TRIM54: variants seen among roughly 807,000 people sequenced by gnomAD.
TRIM54 encodes the protein tripartite motif-containing protein 54.
TRIM54 carries 40 observed loss-of-function variants against 42.0 expected under a neutral mutation model. The ratio of observed to expected loss-of-function variants is 0.95; its 90% CI spans 0.74 to 1.24. The LOEUF (loss-of-function observed/expected upper bound fraction) is 1.24, where lower values mean the gene tolerates loss of function less well. TRIM54 is among the 50% of genes most tolerant of loss of function. The pLI is 0.00. For missense variants in TRIM54, 485 were observed against 480.3 expected (o/e 1.01, Z -0.09); for synonymous variants, 199 against 194.9 (o/e 1.02, Z -0.17).
chr2:27,283,806 A>G (rs1678476235), intron 1 of TRIM54, among the ~76,000 whole-genome samples: 2 of 150,426 alleles, frequency 1.3e-5, no homozygotes, highest in African/African-American at 5.0e-5. Flanking sequence ...ACACACACAC[A>G]CACACACACA....
chr2:27,284,664 C>G (rs1228370995), intron 1 of TRIM54, among the ~76,000 whole-genome samples: 3 of 152,176 alleles, frequency 2.0e-5, no homozygotes, highest in Admixed American at 1.3e-4. Flanking sequence ...GAACATCCTT[C>G]AGGCTGAGAT....
chr2:27,303,628 T>G (rs1249713110), intron 3 of TRIM54, among the ~76,000 whole-genome samples: 1 of 152,022 alleles, frequency 6.6e-6, no homozygotes, highest in Non-Finnish European at 1.5e-5. Flanking sequence ...GCCACCTGGC[T>G]TTCAACAGAG....
In TRIM54 at chr2:27,305,645, T is replaced by G; in HGVS notation, c.671T>G (p.Leu224Arg). Residue 224 changes from leucine to arginine, a missense_variant, in exon 5 of 9, where the codon CTG becomes CGG. Physicochemically the swap from Leu to Arg is moderately radical, Grantham distance 102 (BLOSUM62 -2). Transcript: ENST00000380075. Reference protein sequence around the residue: ...NQRFESLCAVLEERKGELLQA... With the variant: ...NQRFESLCAVREERKGELLQA... ...AGGTTTGAGAGCCTGTGCGCAGTGCTGGAGGAGCGCAAGGGTGAGCTGCTG... is the reference window on the plus strand; with the variant it reads ...AGGTTTGAGAGCCTGTGCGCAGTGCGGGAGGAGCGCAAGGGTGAGCTGCTG... 1 of 1,613,788 alleles carries G rather than the reference T, an allele frequency of 6.2e-7. No individual in the cohort carries two copies.
At chr2:27,295,931 TCAA>T (rs1207797986) in intron 1 of TRIM54, among the ~76,000 whole-genome samples, 1 of 152,162 alleles carries the variant, frequency 6.6e-6, no homozygotes, top group Admixed American at 6.6e-5. Flanking sequence ...TAAACTAAAC[TCAA>T]CAATATTCAT....
chr2:27,299,734 C>T, intron 3 of TRIM54: 1 of 607,666 alleles, frequency 1.6e-6, no homozygotes, highest in Admixed American at 2.9e-5. Flanking sequence ...GAGATGGAGT[C>T]TCGCTCTGTC....
chr2:27,305,835 G>T lies in TRIM54; in HGVS notation c.843+18G>T. The T allele has an allele frequency of 6.4e-7, 1 of 1,564,024 alleles. No individual in the cohort carries two copies. Among genetic ancestry groups the T allele is most frequent in the Non-Finnish European group, 8.7e-7 (1 of 1,151,794 alleles). On this transcript the variant is annotated intron_variant, in intron 5 of 8. Coordinates refer to ENST00000380075, the MANE Select transcript of TRIM54 (RefSeq NM_187841.3). ...ATCTCCAGGTGGGCTCTAGGGGAGGGTGGCAGCGCTGCACAGTGGCTGGAG... is the reference window on the plus strand; with the variant it reads ...ATCTCCAGGTGGGCTCTAGGGGAGGTTGGCAGCGCTGCACAGTGGCTGGAG...
intron 1 of TRIM54, among the ~76,000 whole-genome samples, chr2:27,283,770 A>AAG (rs1678460446): frequency 1.0e-5 from 1 of 100,476 alleles, no homozygotes; most frequent in South Asian, 3.9e-4. Context: ...AAAGGCACAC[A>AAG]CACACACACG....
intron 3 of TRIM54, among the ~76,000 whole-genome samples, chr2:27,304,126 C>T (rs1282066172): frequency 6.6e-6 from 1 of 151,686 alleles, no homozygotes; most frequent in South Asian, 2.1e-4. Context: ...GTGGGAGGAT[C>T]ACCTGAGCCT....
chr2:27,284,398 G>A (rs1484459662), intron 1 of TRIM54, among the ~76,000 whole-genome samples: 1 of 152,166 alleles, frequency 6.6e-6, no homozygotes, highest in Non-Finnish European at 1.5e-5. Flanking sequence ...TTGTGTGTCT[G>A]CTCTGTGCCA....
chr2:27,285,228 T>C (rs1678523578), intron 1 of TRIM54, among the ~76,000 whole-genome samples: 5 of 152,314 alleles, frequency 3.3e-5, no homozygotes, highest in Admixed American at 2.6e-4. Context: ...TATATCTCAG[T>C]AGATCTCCCT....
intron 1 of TRIM54, among the ~76,000 whole-genome samples, chr2:27,283,770 A>ACGCGCGCGCGCGCG (rs1487361341): frequency 7.0e-5 from 7 of 100,502 alleles, no homozygotes; most frequent in Admixed American, 1.0e-4. Context: ...AAAGGCACAC[A>ACGCGCGCGCGCGCG]CACACACACG....
chr2:27,299,107 T>C (rs1185960996), intron 2 of TRIM54, 138 bp from the exon 3 acceptor site: 3 of 942,980 alleles, frequency 3.2e-6, no homozygotes, highest in Non-Finnish European at 4.7e-6. Context: ...CAGAGCTCTG[T>C]GGAAGTACTC....
At chr2:27,292,037 A>T (rs1558584457) in intron 1 of TRIM54, among the ~76,000 whole-genome samples, 1 of 152,204 alleles carries the variant, frequency 6.6e-6, no homozygotes, top group Non-Finnish European at 1.5e-5. Context: ...AACTTTTCAA[A>T]GGACTTGGGT....
chr2:27,305,874 AC>A, intron 5 of TRIM54, 57 bp downstream of exon 5: 1 of 1,456,382 alleles, frequency 6.9e-7, no homozygotes, highest in Non-Finnish European at 9.4e-7. Context: ...GGGCCTTGGT[AC>A]CTGGAGTCCC....
At position 27,305,003 on chromosome 2, in the gene TRIM54, C is replaced by G. The variant is rs1348246917; in HGVS notation, c.558C>G (p.Asp186Glu). 6.2e-7 allele frequency: 1 copy of G among 1,614,092 alleles called. No individual in the cohort carries two copies. The highest frequency in any genetic ancestry group is 1.1e-5 in the South Asian group (1 of 91,064). Residue 186 changes from aspartate (D) to glutamate (E), a missense_variant, in exon 4 of 9, where the codon GAC (aspartate) becomes GAG (glutamate). Physicochemically the swap from Asp to Glu is conservative, Grantham distance 45 (BLOSUM62 2). Transcript: ENST00000380075. ...DGIAMLVAGN[D>E]RVQAVITQME... ...TCGCGATGCTGGTGGCAGGCAATGA[C>G]CGCGTGCAAGCAGTGATCACACAGA...
chr2:27,298,401 G>A (rs1177553518), intron 1 of TRIM54, among the ~76,000 whole-genome samples, 166 bp from the exon 2 acceptor site: 1 of 152,136 alleles, frequency 6.6e-6, no homozygotes, highest in Admixed American at 6.5e-5. Context: ...CTCCATGGCC[G>A]TCCACCGTGC....
chr2:27,288,740 C>T (rs1678643126), intron 1 of TRIM54, among the ~76,000 whole-genome samples: 1 of 152,136 alleles, frequency 6.6e-6, no homozygotes, highest in African/African-American at 2.4e-5. Context: ...CAGAAGAGAA[C>T]ATAGGAAACA....
At chr2:27,287,640 C>T (rs1009074497) in intron 1 of TRIM54, among the ~76,000 whole-genome samples, 1 of 152,122 alleles carries the variant, frequency 6.6e-6, no homozygotes, top group African/African-American at 2.4e-5. Context: ...CCTTCTGCCT[C>T]AGCCTTTCGT....
Position 27,306,514 on chromosome 2 carries a change from G to A in TRIM54, c.1050G>A (p.Pro350=), listed in dbSNP as rs1226622001. The A allele has an allele frequency of 5.7e-6, 9 of 1,567,864 alleles. No individual in the cohort carries two copies. Among genetic ancestry groups the A allele is most frequent in the South Asian group, 1.2e-5 (1 of 86,318 alleles). Residue 350 remains proline (P), a synonymous_variant, in exon 8 of 9, where the codon CCG becomes CCA. Coordinates refer to ENST00000380075, the MANE Select transcript of TRIM54 (RefSeq NM_187841.3). This position sits in a 1 kb window ranked among gnomAD's most constrained non-coding sequence, Gnocchi z 6.1. The stretch of plus-strand genomic sequence containing the variant: ...ACGGAGAGGAGGGCAGCGCGGGGCC[G>A]GAGGAAGAGCGGCCGGATGGGCCTT... ...APDGEEGSAG[P]EEERPDGP
Sources: gnomAD v4.1 joint callset for allele counts (sites outside exome capture counted in the v4.1 genomes callset) on GRCh38, gnomAD v4.1.1 for gene constraint, Gnocchi (gnomAD v3.1) non-coding constraint, MANE v1.5 for transcripts, NCBI Gene and HGNC (gene_info 2026-07-23, HGNC 2026-07-21) for gene names.